The following SHISAL2A variants were observed in gnomAD, a reference collection of about 807,000 sequenced individuals.
The protein encoded by SHISAL2A is shisa like 2A.
SHISAL2A carries 18 observed loss-of-function variants against 11.5 expected under a neutral mutation model. The observed-to-expected ratio is 1.57, with a 90% CI of 1.08 to 2.33. The LOEUF (loss-of-function observed/expected upper bound fraction) is 2.33. SHISAL2A is among the 30% of genes most tolerant of loss of function. The pLI, the probability that SHISAL2A is intolerant of heterozygous loss-of-function variation, is 0.00. For missense variants in SHISAL2A, 261 were observed against 250.9 expected, an observed-to-expected ratio of 1.04 and a Z score of -0.27; for synonymous variants, 94 against 99.6, an observed-to-expected ratio of 0.94 and a Z score of 0.34.
chr1:52,650,944 C>T lies in SHISAL2A; in HGVS notation c.323-5846C>T, dbSNP rs554396629. Among the ~76,000 whole-genome samples the T allele has an allele frequency of 1.1e-4, 17 of 149,068 alleles. 1 individual carries two copies. Among genetic ancestry groups the T allele is most frequent in the Admixed American group, 1.1e-3 (17 of 15,094 alleles). On this transcript the variant is annotated intron_variant, in intron 2 of 2. Transcript: ENST00000517870. ...ACAGGCATGAGCCACCACGCCTGGC[C>T]TAACCTTTTTTTTTTTTTTAACAGC...
rs1011994066 is a variant in SHISAL2A, at chr1:52,633,390, C to G, written c.-104C>G. On this transcript the variant is annotated 5_prime_UTR_variant, in exon 1 of 3. Coordinates refer to ENST00000517870, the MANE Select transcript of SHISAL2A (RefSeq NM_001042693.3). This position sits in a 1 kb window ranked among gnomAD's most constrained non-coding sequence, Gnocchi z 6.4. ...GGCCCCTGGGTCTCTTCGTCTCTGCCGTTCTCAGGCTCAGCTCCGTCTCGC... is the reference window on the plus strand; with the variant it reads ...GGCCCCTGGGTCTCTTCGTCTCTGCGGTTCTCAGGCTCAGCTCCGTCTCGC... 5.4e-5 allele frequency: 57 copies of G among 1,046,784 alleles called. No homozygotes were observed. In the African/African-American group the frequency reaches 9.0e-4, roughly 17 times the overall value. 64.8% of individuals were successfully genotyped at this position (1,046,784 alleles called of 1,614,324 possible). A position where few individuals can be genotyped will look rare whatever the true frequency, so the allele number is the denominator to read the frequency against.
chr1:52,658,337 G>A (rs1691840049), downstream of SHISAL2A, among the ~76,000 whole-genome samples: 1 of 152,188 alleles, frequency 6.6e-6, no homozygotes, highest in East Asian at 1.9e-4. Context: ...ACCACACCTG[G>A]CCTGTTAAAA....
chr1:52,658,806 C>T (rs6685407), downstream of SHISAL2A, among the ~76,000 whole-genome samples: 11,379 of 152,274 alleles, frequency 0.075, 827 homozygotes, highest in African/African-American at 0.18. Flanking sequence ...GGAGACGCAG[C>T]TCAGCAGCCA....
chr1:52,661,158 C>G (rs181508918), downstream of SHISAL2A, among the ~76,000 whole-genome samples: 161 of 152,258 alleles, frequency 1.1e-3, 1 homozygote, highest in African/African-American at 3.1e-3. Flanking sequence ...AGTCCTGAAG[C>G]CTTTGCCATA....
In SHISAL2A at chr1:52,633,566, G is replaced by C. The variant is rs762820314; in HGVS notation, c.73G>C (p.Gly25Arg). The C allele has an allele frequency of 1.9e-6, 3 of 1,611,040 alleles. No homozygotes were observed. Among genetic ancestry groups the C allele is most frequent in the Non-Finnish European group, 2.5e-6 (3 of 1,178,896 alleles). Residue 25 changes from glycine (G) to arginine (R), a missense_variant, in exon 1 of 3, where the codon GGG becomes CGG. By Grantham distance (125) the Gly-to-Arg change is moderately radical. Coordinates refer to ENST00000517870, the MANE Select transcript of SHISAL2A (RefSeq NM_001042693.3). The surrounding 1 kb of genome is among the most constrained non-coding windows in gnomAD (Gnocchi z 6.4). ...GCGCGGCTTCAGCTGCCCGCGGCCG[G>C]GGGGCGAGGCGGCCGCTGTCTTCTG... The part of the protein sequence containing the change: ...VVRGFSCPRP[G>R]GEAAAVFCCG...
chr1:52,661,489 G>C (rs1024816812), downstream of SHISAL2A, among the ~76,000 whole-genome samples: 2 of 151,768 alleles, frequency 1.3e-5, no homozygotes, highest in African/African-American at 4.8e-5. Context: ...TGTTGGCTCA[G>C]GGGCCAGGGC....
chr1:52,665,130 G>T (rs2149896797), intron 4 of SHISAL2A, among the ~76,000 whole-genome samples: 1 of 152,318 alleles, frequency 6.6e-6, no homozygotes, highest in South Asian at 2.1e-4. Flanking sequence ...GACTTTGGAA[G>T]TTGTGATGTG....
intron 2 of SHISAL2A, among the ~76,000 whole-genome samples, chr1:52,643,270 A>C (rs539944487): frequency 6.6e-6 from 1 of 152,238 alleles, no homozygotes; most frequent in Non-Finnish European, 1.5e-5. Flanking sequence ...GTTTAAGATG[A>C]TGTTTTAATT....
chr1:52,665,384 C>T (rs955769556), intron 4 of SHISAL2A, among the ~76,000 whole-genome samples: 2 of 152,070 alleles, frequency 1.3e-5, no homozygotes, highest in African/African-American at 4.8e-5. Flanking sequence ...AAGGCCAGGG[C>T]AGGGTGGGGA....
In SHISAL2A at chr1:52,633,207, C is replaced by T; in HGVS notation, c.-287C>T. ...ACGCGGCTCCCGGCCCAGCTCCCCG[C>T]GTCCGCTCCGGCTCCTGCCGCGTTC... On this transcript the variant is annotated 5_prime_UTR_variant, in exon 1 of 3. Transcript: ENST00000517870. The surrounding 1 kb of genome is among the most constrained non-coding windows in gnomAD (Gnocchi z 6.4). The T allele has an allele frequency of 3.8e-6, 1 of 261,704 alleles. No homozygotes were observed. The highest frequency in any genetic ancestry group is 7.1e-6 in the Non-Finnish European group (1 of 140,354). The allele number at this position is 261,704 out of a possible 1,614,324, so 16.2% of individuals were successfully genotyped here.
At chr1:52,664,994 G>T (rs962926309) in intron 4 of SHISAL2A, among the ~76,000 whole-genome samples, 1 of 152,136 alleles carries the variant, frequency 6.6e-6, no homozygotes, top group African/African-American at 2.4e-5. Context: ...TTGCCAAGTT[G>T]CCCAGGCTGG....
At chr1:52,634,562 G>GTTGCA (rs1314259416) in intron 1 of SHISAL2A, among the ~76,000 whole-genome samples, 5 of 152,220 alleles carry the variant, frequency 3.3e-5, no homozygotes, top group African/African-American at 1.2e-4. Context: ...CAGGGAAGAG[G>GTTGCA]TTGCATTCCT....
At chr1:52,636,180 C>T (rs1049857035) in intron 1 of SHISAL2A, among the ~76,000 whole-genome samples, 2 of 129,380 alleles carry the variant, frequency 1.5e-5, no homozygotes, top group Non-Finnish European at 3.3e-5. Flanking sequence ...CTAGTATTTT[C>T]TCTCAACTTT....
chr1:52,632,944 C>T (rs1227662253), upstream of SHISAL2A, among the ~76,000 whole-genome samples: 1 of 152,176 alleles, frequency 6.6e-6, no homozygotes, highest in Non-Finnish European at 1.5e-5. Flanking sequence ...TGTGTTCACT[C>T]TCCTCACTGA....
In SHISAL2A at chr1:52,633,650, G is replaced by A. The variant is rs755393273; in HGVS notation, c.157G>A (p.Glu53Lys). ...CDDPHSFFPY[E>K]HSYMWWLSIG... Reference sequence around the variant, plus strand: ...CGACCCGCACAGCTTCTTCCCCTACGAGCACAGCTACATGTGGTGGCTCAG... The same window carrying A: ...CGACCCGCACAGCTTCTTCCCCTACAAGCACAGCTACATGTGGTGGCTCAG... Residue 53 changes from glutamate (E) to lysine (K), a missense_variant, in exon 1 of 3, where the codon GAG becomes AAG. Transcript: ENST00000517870. The surrounding 1 kb of genome is among the most constrained non-coding windows in gnomAD (Gnocchi z 6.4). 3.5e-5 allele frequency: 56 copies of A among 1,612,804 alleles called. No homozygotes were observed. Among genetic ancestry groups the A allele is most frequent in the Middle Eastern group, 1.6e-4 (1 of 6,080 alleles).
chr1:52,646,520 C>G (rs1404218250), intron 2 of SHISAL2A, among the ~76,000 whole-genome samples: 1 of 150,792 alleles, frequency 6.6e-6, no homozygotes, highest in African/African-American at 2.5e-5. Context: ...CACACACACA[C>G]ACACACACAA....
At chr1:52,666,312 C>T (rs760899519) in intron 4 of SHISAL2A, among the ~76,000 whole-genome samples, 11 of 151,948 alleles carry the variant, frequency 7.2e-5, no homozygotes, top group Admixed American at 4.6e-4. Context: ...ATTAGCTGGG[C>T]GTGGTGGCAG....
At chr1:52,637,814 T>C (rs768852578) in intron 1 of SHISAL2A, among the ~76,000 whole-genome samples, 2 of 152,216 alleles carry the variant, frequency 1.3e-5, no homozygotes, top group African/African-American at 4.8e-5. Flanking sequence ...GGTTGTTAGA[T>C]TGTCCCTCCA....
chr1:52,650,534 C>G (rs911471721), intron 2 of SHISAL2A, among the ~76,000 whole-genome samples: 1 of 151,974 alleles, frequency 6.6e-6, no homozygotes, highest in Non-Finnish European at 1.5e-5. Context: ...TAGTCTCAAA[C>G]ACATAGTAGG....
Sources: allele counts gnomAD v4.1 joint callset (sites outside exome capture counted in the v4.1 genomes callset), GRCh38; gene constraint gnomAD v4.1.1; non-coding constraint Gnocchi (gnomAD v3.1); transcripts MANE v1.5; gene names NCBI Gene and HGNC (gene_info 2026-07-23, HGNC 2026-07-21).